Variants in INPP4B observed in about 807,000 individuals in gnomAD.
The protein encoded by INPP4B is inositol polyphosphate 4-phosphatase type II.
INPP4B carries 55 observed loss-of-function variants against 122.5 expected under a neutral mutation model. The observed-to-expected ratio is 0.45, with a 90% CI of 0.36 to 0.56. The LOEUF is 0.56. Among genes scored for constraint, INPP4B ranks in the 20% least tolerant of loss-of-function variants. INPP4B has a pLI of 0.00. For missense variants in INPP4B, 1,000 were observed against 1,097.7 expected (o/e 0.91, Z 1.26); for synonymous variants, 403 against 388.7 (o/e 1.04, Z -0.43).
chr4:142,694,290 T>C (rs1057181260), intron 2 of INPP4B, among the ~76,000 whole-genome samples: 13 of 151,576 alleles, frequency 8.6e-5, no homozygotes, highest in Non-Finnish European at 1.3e-4. Flanking sequence ...AGAGAATAGC[T>C]TGAACCCAGG....
chr4:142,368,161 A>G (rs1007858170), intron 7 of INPP4B, among the ~76,000 whole-genome samples: 3 of 152,216 alleles, frequency 2.0e-5, no homozygotes, highest in Non-Finnish European at 2.9e-5. Context: ...AGCTACTGAC[A>G]TTAAAATAGC....
Position 142,043,426 on chromosome 4 carries a change from C to G in INPP4B, c.2643-14512G>C, listed in dbSNP as rs1312490172. Among the ~76,000 whole-genome samples the G allele has an allele frequency of 4.1e-4, 63 of 152,146 alleles. 2 individuals carry two copies. Among genetic ancestry groups the G allele is most frequent in the Admixed American group, 4.1e-3 (62 of 15,272 alleles). On this transcript the variant is annotated intron_variant, in intron 25 of 25. Transcript: ENST00000262992. ...GCTTTATATATATCATCATTCATTT[C>G]TTCTACAAAGATTCAAATACCAGGG...
intron 1 of INPP4B, among the ~76,000 whole-genome samples, chr4:142,747,686 C>T (rs555686467): frequency 1.9e-3 from 286 of 152,240 alleles, no homozygotes; most frequent in Middle Eastern, 0.017. Context: ...GAATACTATG[C>T]AGCCATAAAA....
In INPP4B at chr4:142,065,127, G is replaced by C. The variant is rs933249779; in HGVS notation, c.2642+16904C>G. On this transcript the variant is annotated intron_variant, in intron 25 of 25. Coordinates refer to ENST00000262992, the MANE Select transcript of INPP4B (RefSeq NM_001101669.3). ...TGCCATGTTTCAAAAAGAATTTAAG[G>C]CAGTTTACATTGATACATCAAATTC... Among the ~76,000 whole-genome samples the C allele has an allele frequency of 3.3e-5, 5 of 152,008 alleles. 1 individual carries two copies. Among genetic ancestry groups the C allele is most frequent in the Non-Finnish European group, 5.9e-5 (4 of 67,986 alleles).
At chr4:142,059,149 A>T (rs1759288311) in intron 25 of INPP4B, among the ~76,000 whole-genome samples, 1 of 152,176 alleles carries the variant, frequency 6.6e-6, no homozygotes, top group Admixed American at 6.5e-5. Flanking sequence ...TTGTCAATAC[A>T]ACCCAGTCAT....
intron 7 of INPP4B, among the ~76,000 whole-genome samples, chr4:142,331,090 C>A (rs1008258199): frequency 6.6e-6 from 1 of 152,098 alleles, no homozygotes; most frequent in South Asian, 2.1e-4. Context: ...AAACCACAGG[C>A]AAGGAAATTC....
chr4:142,713,728 C>T (rs887610553), intron 2 of INPP4B, among the ~76,000 whole-genome samples: 9 of 152,110 alleles, frequency 5.9e-5, no homozygotes, highest in Non-Finnish European at 1.3e-4. Flanking sequence ...CTTGAGTGTC[C>T]CTGGAGTCCC....
chr4:142,772,128 T>C (rs1441274737), intron 1 of INPP4B, among the ~76,000 whole-genome samples: 1 of 152,046 alleles, frequency 6.6e-6, no homozygotes, highest in Non-Finnish European at 1.5e-5. Flanking sequence ...GAAGTCCAGG[T>C]TGGAGATAAA....
chr4:142,537,427 T>TAGAGAGAG (rs1491326417), intron 2 of INPP4B, among the ~76,000 whole-genome samples: 13 of 33,864 alleles, frequency 3.8e-4, no homozygotes, highest in Non-Finnish European at 5.9e-4. Flanking sequence ...TATATATATA[T>TAGAGAGAG]ATAGAGAGAG....
intron 1 of INPP4B, among the ~76,000 whole-genome samples, chr4:142,775,782 A>T (rs1174256339): frequency 1.3e-5 from 2 of 152,128 alleles, no homozygotes; most frequent in Non-Finnish European, 2.9e-5. Flanking sequence ...CCATTATCAG[A>T]TATGTTATTT....
chr4:142,694,486 ATAAAG>A (rs1760741964), intron 2 of INPP4B, among the ~76,000 whole-genome samples: 1 of 152,130 alleles, frequency 6.6e-6, no homozygotes, highest in Non-Finnish European at 1.5e-5. Flanking sequence ...AAAATTATTG[ATAAAG>A]TAAAAATGTC....
At chr4:142,499,815 T>A (rs902129174) in intron 2 of INPP4B, among the ~76,000 whole-genome samples, 5 of 152,116 alleles carry the variant, frequency 3.3e-5, no homozygotes, top group African/African-American at 9.7e-5. Context: ...AAGAAATTAT[T>A]TAAAACCTCT....
chr4:142,499,671 A>G (rs1258455347), intron 2 of INPP4B, among the ~76,000 whole-genome samples: 14 of 152,182 alleles, frequency 9.2e-5, no homozygotes, highest in Admixed American at 6.6e-5. Context: ...ATGAAACTAG[A>G]GTAATTCTGA....
chr4:142,512,686 T>C (rs1454836343), intron 2 of INPP4B, among the ~76,000 whole-genome samples: 1 of 152,188 alleles, frequency 6.6e-6, no homozygotes, highest in African/African-American at 2.4e-5. Flanking sequence ...ATCATCATCA[T>C]ACCATTATTG....
At position 142,544,130 on chromosome 4, in the gene INPP4B, G is replaced by GTGTGTGTGTGTGTGTGTGTGTGTGTGTGT. The variant is rs55638202; in HGVS notation, c.-190-81405_-190-81404insACACACACACACACACACACACACACACA. Among the ~76,000 whole-genome samples, 58 of 133,222 alleles carry GTGTGTGTGTGTGTGTGTGTGTGTGTGTGT rather than the reference G, an allele frequency of 4.4e-4. 5 individuals are homozygous for GTGTGTGTGTGTGTGTGTGTGTGTGTGTGT. The highest frequency in any genetic ancestry group is 1.2e-3 in the African/African-American group (43 of 34,982). The allele number at this position is 133,222 out of a possible 152,430, so 87.4% of individuals were successfully genotyped here. A position where few individuals can be genotyped will look rare whatever the true frequency, so the allele number is the denominator to read the frequency against. ...CACAAATACTGCATGGTGTGTGTGTGGTGTGTGTGTGTGTGTGTGTGTGTG... is the reference window on the plus strand; with the variant it reads ...CACAAATACTGCATGGTGTGTGTGTGTGTGTGTGTGTGTGTGTGTGTGTGTGTGTGTGTGTGTGTGTGTGTGTGTGTGTG... On this transcript the variant is annotated intron_variant, in intron 2 of 25. Transcript: ENST00000262992.
chr4:142,386,114 TGTAA>T (rs919768280), intron 7 of INPP4B, among the ~76,000 whole-genome samples: 3 of 152,142 alleles, frequency 2.0e-5, no homozygotes, highest in South Asian at 2.1e-4. Flanking sequence ...AAATTCTGCG[TGTAA>T]GTGAGACCAT....
rs143309084 is a variant in INPP4B at position 142,084,554 on chromosome 4, G to GTATT, written c.2487+1586_2487+1589dup. ...TTGGAAAATATCAAAAGGAATTTCGGTATTTATTTTAAAAGTATCATAAAT... is the reference window on the plus strand; with the variant it reads ...TTGGAAAATATCAAAAGGAATTTCGGTATTTATTTATTTTAAAAGTATCATAAAT... On this transcript the variant is annotated intron_variant, in intron 24 of 25. Transcript: ENST00000262992. 4.9e-4 allele frequency among the ~76,000 whole-genome samples: 74 copies of GTATT among 152,106 alleles called. No homozygotes were observed. The East Asian group carries it at 0.011, about 23-fold the overall frequency.
chr4:142,265,931 T>C (rs991205546), intron 10 of INPP4B, among the ~76,000 whole-genome samples: 7 of 152,194 alleles, frequency 4.6e-5, no homozygotes, highest in African/African-American at 1.4e-4. Flanking sequence ...TACCTTATAC[T>C]ATAGTGACAT....
At position 142,537,042 on chromosome 4, in the gene INPP4B, G is replaced by A. The variant is rs183270895; in HGVS notation, c.-190-74316C>T. ...GATCTCTTGACCTTGTGATCCACCC[G>A]CCTCAGCCTCCCAAAGTGCTGGGAT... On this transcript the variant is annotated intron_variant, in intron 2 of 25. Transcript: ENST00000262992. Among the ~76,000 whole-genome samples, 482 of 152,030 alleles carry A rather than the reference G, an allele frequency of 3.2e-3. 2 individuals carry two copies. The highest frequency in any genetic ancestry group is 0.011 in the African/African-American group (468 of 41,484).
Sources: gnomAD v4.1 joint callset for allele counts (sites outside exome capture counted in the v4.1 genomes callset) on GRCh38, gnomAD v4.1.1 for gene constraint, MANE v1.5 for transcripts, NCBI Gene and HGNC (gene_info 2026-07-23, HGNC 2026-07-21) for gene names.